KIAA1328: variants seen among roughly 807,000 people sequenced by gnomAD.
KIAA1328 encodes the protein KIAA1328.
In KIAA1328, 52 loss-of-function variants were observed where a neutral mutation model predicts 68.1. The ratio of observed to expected loss-of-function variants is 0.76; its 90% CI spans 0.61 to 0.96. The LOEUF (loss-of-function observed/expected upper bound fraction) is 0.96. Ranked by LOEUF, KIAA1328 falls within the 40% of genes least tolerant of loss-of-function variation. The pLI, the probability that KIAA1328 is intolerant of heterozygous loss-of-function variation, is 0.00. For synonymous variants in KIAA1328, 232 were observed against 239.4 expected, an observed-to-expected ratio of 0.97 and a Z score of 0.28; for missense variants, 641 against 677.6, an observed-to-expected ratio of 0.95 and a Z score of 0.60.
chr18:37,163,239 A>T (rs980255350), intron 8 of KIAA1328, among the ~76,000 whole-genome samples: 2 of 152,116 alleles, frequency 1.3e-5, no homozygotes, highest in South Asian at 2.1e-4. Context: ...TGTTATGTTG[A>T]TGGGCTAGCA....
At position 36,905,081 on chromosome 18, in the gene KIAA1328, ATATTTATTTATT is replaced by A. The variant is rs55910118; in HGVS notation, c.448+19446_448+19457del. ...TGTTAAATAATTATCTTGTAAGGAG[ATATTTATTTATT>A]TATTTATTTATTTATTTATTTATTT... On this transcript the variant is annotated intron_variant, in intron 5 of 9. Coordinates refer to ENST00000280020, the MANE Select transcript of KIAA1328 (RefSeq NM_020776.3). Among the ~76,000 whole-genome samples, 1,184 of 142,540 alleles carry A rather than the reference ATATTTATTTATT, an allele frequency of 8.3e-3. 9 individuals are homozygous for A. Among genetic ancestry groups the A allele is most frequent in the Middle Eastern group, 0.021 (6 of 282 alleles). 93.5% of individuals were successfully genotyped at this position (142,540 alleles called of 152,430 possible).
At chr18:36,939,466 C>T (rs1329284706) in intron 5 of KIAA1328, among the ~76,000 whole-genome samples, 1 of 152,042 alleles carries the variant, frequency 6.6e-6, no homozygotes, top group South Asian at 2.1e-4. Context: ...TGACTGAATT[C>T]ATTTATCAGC....
At chr18:36,862,805 T>C (rs542497235) in intron 4 of KIAA1328, among the ~76,000 whole-genome samples, 1 of 152,332 alleles carries the variant, frequency 6.6e-6, no homozygotes, top group South Asian at 2.1e-4. Flanking sequence ...AGAGGTCTTC[T>C]TGCATTCTTG....
intron 6 of KIAA1328, among the ~76,000 whole-genome samples, chr18:37,024,456 C>G (rs1199483380): frequency 1.3e-5 from 2 of 151,370 alleles, no homozygotes; most frequent in African/African-American, 4.9e-5. Context: ...TATACATGTG[C>G]CAGGTTGGTG....
chr18:37,220,586 G>T (rs2060539565), intron 9 of KIAA1328, among the ~76,000 whole-genome samples: 1 of 152,160 alleles, frequency 6.6e-6, no homozygotes, highest in Admixed American at 6.6e-5. Context: ...CCACGTGTAT[G>T]TTTTTATTTT....
intron 3 of KIAA1328, 37 bp downstream of exon 3, chr18:36,835,413 C>G: frequency 6.3e-7 from 1 of 1,595,234 alleles, no homozygotes; most frequent in South Asian, 1.1e-5. Flanking sequence ...TCCTTGCTCT[C>G]CAGTCTTTAT....
At chr18:37,227,400 G>A (rs767634656), downstream of KIAA1328, among the ~76,000 whole-genome samples, 1 of 152,214 alleles carries the variant, frequency 6.6e-6, no homozygotes, top group African/African-American at 2.4e-5. Flanking sequence ...CGTAACTAGA[G>A]AGGAGAAGTC....
At chr18:36,852,340 G>C (rs188235669) in intron 4 of KIAA1328, among the ~76,000 whole-genome samples, 119 of 152,278 alleles carry the variant, frequency 7.8e-4, no homozygotes, top group African/African-American at 2.8e-3. Context: ...CAGGCTGAAA[G>C]AATGAGGGTC....
chr18:37,041,386 A>G (rs2055239938), intron 6 of KIAA1328, among the ~76,000 whole-genome samples: 1 of 152,112 alleles, frequency 6.6e-6, no homozygotes, highest in South Asian at 2.1e-4. Flanking sequence ...TATTTGAATG[A>G]TGTATCTTTT....
rs764129693 is a variant in KIAA1328 at position 37,067,043 on chromosome 18, A to G, written c.730A>G (p.Asn244Asp). ...SASESLIAFR[N>D]NSLKPVTLHH... ...TTCAGAATCCCTTATAGCATTTAGG[A>G]ATAATTCTTTGAAACCAGTAACCCT... The change falls in exon 7 of 10, where the codon AAT becomes GAT. Residue 244 changes from asparagine to aspartate, a missense_variant. By Grantham distance (23) the Asn-to-Asp change is conservative (BLOSUM62 1). Coordinates refer to ENST00000280020, the MANE Select transcript of KIAA1328 (RefSeq NM_020776.3). The G allele has an allele frequency of 1.2e-6, 2 of 1,614,000 alleles. No homozygotes were observed. The highest frequency in any genetic ancestry group is 1.7e-6 in the Non-Finnish European group (2 of 1,179,884).
chr18:36,895,022 C>T (rs1457519251), intron 5 of KIAA1328, among the ~76,000 whole-genome samples: 2 of 152,162 alleles, frequency 1.3e-5, no homozygotes, highest in Non-Finnish European at 2.9e-5. Flanking sequence ...CTACTTATTA[C>T]ATCTAATTTC....
chr18:36,954,708 T>A (rs2051330095), intron 5 of KIAA1328, among the ~76,000 whole-genome samples: 1 of 151,934 alleles, frequency 6.6e-6, no homozygotes, highest in Non-Finnish European at 1.5e-5. Context: ...TTTTTTTTCT[T>A]TTTGAGACGG....
At position 37,160,118 on chromosome 18, in the gene KIAA1328, C is replaced by T; in HGVS notation, c.1233-82C>T. 3.7e-6 allele frequency: 4 copies of T among 1,078,910 alleles called. No homozygotes were observed. The East Asian group carries it at 1.1e-4, about 29-fold the overall frequency. The allele number at this position is 1,078,910 out of a possible 1,614,324, so 66.8% of individuals were successfully genotyped here. On this transcript the variant is annotated intron_variant, in intron 7 of 9. Coordinates refer to ENST00000280020, the MANE Select transcript of KIAA1328 (RefSeq NM_020776.3). ...AGAGAGTTCTTAATGAATTGCATTTCAACCCATACTGAATTTAAATATCTA... is the reference window on the plus strand; with the variant it reads ...AGAGAGTTCTTAATGAATTGCATTTTAACCCATACTGAATTTAAATATCTA...
At chr18:37,058,312 A>T (rs1458162973) in intron 6 of KIAA1328, among the ~76,000 whole-genome samples, 1 of 152,192 alleles carries the variant, frequency 6.6e-6, no homozygotes, top group Non-Finnish European at 1.5e-5. Context: ...AAATCAGTAA[A>T]TTCTAGCTAC....
intron 7 of KIAA1328, among the ~76,000 whole-genome samples, chr18:37,122,483 G>A (rs935969072): frequency 2.0e-5 from 3 of 152,102 alleles, no homozygotes; most frequent in Non-Finnish European, 4.4e-5. Flanking sequence ...TAGATGACAA[G>A]GAAGCAATAT....
chr18:36,843,144 T>C (rs1395078106), intron 3 of KIAA1328, among the ~76,000 whole-genome samples: 1 of 152,182 alleles, frequency 6.6e-6, no homozygotes, highest in East Asian at 1.9e-4. Context: ...TCTTTATGAT[T>C]TTCTCTAGTT....
At chr18:37,045,895 T>A (rs1303301050) in intron 6 of KIAA1328, among the ~76,000 whole-genome samples, 2 of 152,260 alleles carry the variant, frequency 1.3e-5, no homozygotes, top group Non-Finnish European at 2.9e-5. Flanking sequence ...TTGTTTCAGA[T>A]GTGCAATTTT....
chr18:36,921,933 A>T (rs996626777), intron 5 of KIAA1328, among the ~76,000 whole-genome samples: 15 of 146,298 alleles, frequency 1.0e-4, no homozygotes, highest in Admixed American at 2.7e-4. Flanking sequence ...TTTTGAAAAT[A>T]TTTTTTTTTT....
At chr18:37,014,696 C>T (rs1238295417) in intron 6 of KIAA1328, among the ~76,000 whole-genome samples, 1 of 152,042 alleles carries the variant, frequency 6.6e-6, no homozygotes, top group Non-Finnish European at 1.5e-5. Flanking sequence ...CACTTTTAGA[C>T]AACCAAATCT....
Sources: allele counts gnomAD v4.1 joint callset (sites outside exome capture counted in the v4.1 genomes callset), GRCh38; gene constraint gnomAD v4.1.1; transcripts MANE v1.5; gene names NCBI Gene and HGNC (gene_info 2026-07-23, HGNC 2026-07-21).